Variants in DOCK3 observed in about 807,000 individuals in gnomAD.
DOCK3 encodes the protein dedicator of cytokinesis protein 3.
DOCK3 carries 60 observed loss-of-function variants against 265.6 expected under a neutral mutation model. The observed-to-expected ratio is 0.23, with a 90% CI of 0.18 to 0.28. The LOEUF (loss-of-function observed/expected upper bound fraction) is 0.28, where lower values mean the gene tolerates loss of function less well. Among genes scored for constraint, DOCK3 ranks in the 10% least tolerant of loss-of-function variants. DOCK3 has a pLI of 1.00. For synonymous variants in DOCK3, 881 were observed against 938.0 expected, an observed-to-expected ratio of 0.94 and a Z score of 1.11; for missense variants, 1,981 against 2,594.3, an observed-to-expected ratio of 0.76 and a Z score of 5.14.
intron 2 of DOCK3, among the ~76,000 whole-genome samples, chr3:50,802,547 C>G (rs1188011018): frequency 6.6e-6 from 1 of 152,062 alleles, no homozygotes; most frequent in Non-Finnish European, 1.5e-5. Context: ...TAATATTCCT[C>G]ATTGCCATTT....
In DOCK3 at chr3:51,134,052, T is replaced by C. The variant is rs577069792; in HGVS notation, c.747-12497T>C. Reference sequence around the variant, plus strand: ...AGTGTTTGGTTTTCTGTTTCTGCGTTAGTTTGCTAAGAATGATGGCTTCCA... The same window carrying C: ...AGTGTTTGGTTTTCTGTTTCTGCGTCAGTTTGCTAAGAATGATGGCTTCCA... On this transcript the variant is annotated intron_variant, in intron 9 of 52. Transcript: ENST00000266037. Among the ~76,000 whole-genome samples the C allele has an allele frequency of 2.0e-5, 3 of 152,320 alleles. No individual in the cohort carries two copies. In the East Asian group the frequency reaches 5.8e-4, roughly 29 times the overall value.
At chr3:51,210,486 C>T (rs975907378) in intron 13 of DOCK3, among the ~76,000 whole-genome samples, 2 of 152,100 alleles carry the variant, frequency 1.3e-5, no homozygotes, top group African/African-American at 4.8e-5. Context: ...CTGTTTCAAC[C>T]CCCTCGTTAA....
At chr3:50,937,636 A>C (rs1262776673) in intron 5 of DOCK3, among the ~76,000 whole-genome samples, 1 of 152,212 alleles carries the variant, frequency 6.6e-6, no homozygotes, top group Admixed American at 6.5e-5. Context: ...AGCCTGGGTG[A>C]CAGAGCGAGA....
At chr3:51,284,528 A>G (rs2081304550) in intron 27 of DOCK3, among the ~76,000 whole-genome samples, 1 of 152,156 alleles carries the variant, frequency 6.6e-6, no homozygotes, top group Non-Finnish European at 1.5e-5. Flanking sequence ...CCAGGAGCTA[A>G]CACCCCTTTG....
intron 3 of DOCK3, among the ~76,000 whole-genome samples, chr3:50,843,134 C>T (rs2045920454): frequency 6.6e-6 from 1 of 152,100 alleles, no homozygotes; most frequent in African/African-American, 2.4e-5. Flanking sequence ...TTATATCTTC[C>T]TACACAATGA....
chr3:50,680,440 C>T (rs1167944496), intron 1 of DOCK3, among the ~76,000 whole-genome samples: 4 of 150,702 alleles, frequency 2.7e-5, no homozygotes, highest in African/African-American at 9.7e-5. Flanking sequence ...TCTCGAGCTC[C>T]TGACCTCAAG....
chr3:51,369,609 A>C (rs1211241653), intron 49 of DOCK3, among the ~76,000 whole-genome samples: 1 of 151,934 alleles, frequency 6.6e-6, no homozygotes, highest in Non-Finnish European at 1.5e-5. Flanking sequence ...TTAAGAAAAG[A>C]AGCTCTCTAA....
At chr3:50,908,180 T>C (rs2049643272) in intron 4 of DOCK3, among the ~76,000 whole-genome samples, 1 of 149,540 alleles carries the variant, frequency 6.7e-6, no homozygotes, top group Admixed American at 6.7e-5. Flanking sequence ...TCATTGATTT[T>C]TTTTTTTTTT....
At chr3:50,680,677 T>A (rs1466016556) in intron 1 of DOCK3, among the ~76,000 whole-genome samples, 1 of 151,634 alleles carries the variant, frequency 6.6e-6, no homozygotes, top group Non-Finnish European at 1.5e-5. Flanking sequence ...AGCGAATTTT[T>A]AATTTTTTTT....
At chr3:50,733,313 A>G (rs1281886869) in intron 1 of DOCK3, among the ~76,000 whole-genome samples, 1 of 152,142 alleles carries the variant, frequency 6.6e-6, no homozygotes, top group Non-Finnish European at 1.5e-5. Flanking sequence ...TCCATTGTTG[A>G]AAGTGGTGTA....
chr3:51,315,082 A>G lies in DOCK3; in HGVS notation c.3356A>G (p.His1119Arg). 6.2e-7 allele frequency: 1 copy of G among 1,612,556 alleles called. No individual in the cohort carries two copies. The highest frequency in any genetic ancestry group is 8.5e-7 in the Non-Finnish European group (1 of 1,179,074). The change falls in exon 32 of 53, where the codon CAT becomes CGT. Residue 1119 changes from histidine (H) to arginine (R), a missense_variant. By Grantham distance (29) the His-to-Arg change is conservative. Coordinates refer to ENST00000266037, the MANE Select transcript of DOCK3 (RefSeq NM_004947.5). ...EVRNIMIPIF[H>R]DMMDWEQRKN... ...CGGAATATCATGATTCCCATCTTTC[A>G]TGACATGATGGACTGGGAGCAGAGA...
intron 4 of DOCK3, among the ~76,000 whole-genome samples, chr3:50,917,721 A>G (rs1217118722): frequency 6.6e-6 from 1 of 151,790 alleles, no homozygotes; most frequent in Non-Finnish European, 1.5e-5. Context: ...GTCATGAATG[A>G]TAGTTTGTAT....
chr3:50,895,850 C>T (rs2048868284), intron 4 of DOCK3, among the ~76,000 whole-genome samples: 1 of 152,008 alleles, frequency 6.6e-6, no homozygotes, highest in Non-Finnish European at 1.5e-5. Flanking sequence ...TGAACTCATC[C>T]CTTTTTTATG....
chr3:50,730,945 G>A (rs1462300893), intron 1 of DOCK3, among the ~76,000 whole-genome samples: 5 of 151,836 alleles, frequency 3.3e-5, no homozygotes, highest in African/African-American at 7.3e-5. Flanking sequence ...CCTGGCTAAC[G>A]TGGTGAAACC....
chr3:50,796,627 C>T (rs181419090), intron 2 of DOCK3, among the ~76,000 whole-genome samples: 38 of 152,312 alleles, frequency 2.5e-4, no homozygotes, highest in Non-Finnish European at 5.3e-4. Context: ...CGTGAGCCAC[C>T]GCGTCCAGCC....
At chr3:51,263,082 A>G (rs2079949457) in intron 23 of DOCK3, among the ~76,000 whole-genome samples, 2 of 152,146 alleles carry the variant, frequency 1.3e-5, no homozygotes, top group Non-Finnish European at 2.9e-5. Context: ...CCACAAAGAT[A>G]CTCCTCGAGA....
intron 12 of DOCK3, among the ~76,000 whole-genome samples, chr3:51,199,060 G>T (rs1380401976): frequency 6.6e-6 from 1 of 152,130 alleles, no homozygotes; most frequent in Admixed American, 6.5e-5. Flanking sequence ...GGGAGGAGCC[G>T]AGATGGCCGA....
At chr3:50,836,534 G>A (rs148679596) in intron 2 of DOCK3, among the ~76,000 whole-genome samples, 3 of 152,286 alleles carry the variant, frequency 2.0e-5, no homozygotes, top group East Asian at 1.9e-4. Context: ...GGGACACAGG[G>A]CACCAAGTCC....
chr3:50,923,295 T>A (rs1372034099), intron 4 of DOCK3, among the ~76,000 whole-genome samples: 1 of 152,222 alleles, frequency 6.6e-6, no homozygotes, highest in African/African-American at 2.4e-5. Context: ...AGTAGTGGGA[T>A]TGGTGGATCA....
Sources: gnomAD v4.1 joint callset for allele counts (sites outside exome capture counted in the v4.1 genomes callset) on GRCh38, gnomAD v4.1.1 for gene constraint, MANE v1.5 for transcripts, NCBI Gene and HGNC (gene_info 2026-07-23, HGNC 2026-07-21) for gene names.